NPSR1: variants seen among roughly 807,000 people sequenced by gnomAD.
NPSR1 encodes neuropeptide S receptor 1, also known as neuropeptide S receptor.
In NPSR1, 48 loss-of-function variants were observed where a neutral mutation model predicts 46.9. That is an observed-to-expected ratio of 1.02 (90% CI 0.81 to 1.30). The LOEUF is 1.30. Among genes scored for constraint, NPSR1 ranks in the 50% most tolerant of loss-of-function variants. NPSR1 has a pLI of 0.00. For missense variants in NPSR1, 450 were observed against 449.5 expected, an observed-to-expected ratio of 1.00 and a Z score of -0.01; for synonymous variants, 176 against 168.1, an observed-to-expected ratio of 1.05 and a Z score of -0.36.
At chr7:34,792,663 A>ATT (rs376242477) in intron 3 of NPSR1, among the ~76,000 whole-genome samples, 2,498 of 65,252 alleles carry the variant, frequency 0.038, 101 homozygotes, top group African/African-American at 0.084. Context: ...GTATATATAT[A>ATT]TTTATATATA....
intron 2 of NPSR1, among the ~76,000 whole-genome samples, chr7:34,716,081 T>C (rs961573268): frequency 6.6e-6 from 1 of 152,148 alleles, no homozygotes. Context: ...CAACAAATTA[T>C]GCTTGAGATG....
At chr7:34,810,021 A>G (rs1182101946) in intron 3 of NPSR1, among the ~76,000 whole-genome samples, 1 of 152,148 alleles carries the variant, frequency 6.6e-6, no homozygotes, top group African/African-American at 2.4e-5. Flanking sequence ...CCTCCTCCCT[A>G]TGGTGGCTTT....
In NPSR1 at chr7:34,866,154, G is replaced by A. The variant is rs114028334; in HGVS notation, c.1026-11922G>A. 1.1e-3 allele frequency among the ~76,000 whole-genome samples: 161 copies of A among 151,874 alleles called. 1 individual carries two copies. The highest frequency in any genetic ancestry group is 1.8e-3 in the Non-Finnish European group (124 of 68,012). On this transcript the variant is annotated intron_variant, in intron 8 of 8. Coordinates refer to the NPSR1 transcript ENST00000359791. ...CTTGGACCTACGTTTTGTCCCACAC[G>A]GCCTCCACCTCCCAACCAAAACAGA... is the stretch of plus-strand genomic sequence containing the variant.
Position 34,751,679 on chromosome 7 carries a change from G to A in NPSR1, c.281-26783G>A, listed in dbSNP as rs1785539809. On this transcript the variant is annotated intron_variant, in intron 2 of 8. Transcript: ENST00000360581. ...GCCACATCCCCAGCCAGGGACAAGA[G>A]GTTCATCAACAGGAAAGTGGGGAGC... 7 of 1,590,654 alleles carry A rather than the reference G, an allele frequency of 4.4e-6. No individual in the cohort carries two copies. In the South Asian group the frequency reaches 6.6e-5, roughly 15 times the overall value.
chr7:34,851,958 C>T (rs1790944177), downstream of NPSR1, among the ~76,000 whole-genome samples: 1 of 152,090 alleles, frequency 6.6e-6, no homozygotes, highest in Non-Finnish European at 1.5e-5. Flanking sequence ...TTGTCATTTC[C>T]ATGTATTTGC....
intron 8 of NPSR1, among the ~76,000 whole-genome samples, chr7:34,849,007 A>T (rs1790843568): frequency 6.6e-6 from 1 of 152,254 alleles, no homozygotes; most frequent in African/African-American, 2.4e-5. Context: ...ACCATTTTAC[A>T]GATAAACAAA....
At position 34,742,796 on chromosome 7, in the gene NPSR1, C is replaced by T. The variant is rs192021452; in HGVS notation, c.281-35666C>T. Among the ~76,000 whole-genome samples the T allele has an allele frequency of 6.8e-4, 104 of 152,328 alleles. 1 individual carries two copies. The highest frequency in any genetic ancestry group is 2.4e-3 in the African/African-American group (101 of 41,576). ...CAACAGTGTATAATTCTTCCCTTTT[C>T]TCTGCAACGTCACCAGCATCTGTTA... On this transcript the variant is annotated intron_variant, in intron 2 of 8. Coordinates refer to ENST00000360581, the MANE Select transcript of NPSR1 (RefSeq NM_207172.2).
Position 34,782,697 on chromosome 7 carries a change from C to T in NPSR1, c.384+4132C>T, listed in dbSNP as rs149281642. ...GTGTGCATTTGACTGCTTTACCAAA[C>T]GCACACACATCAACATAAGGCAAAA... is the stretch of plus-strand genomic sequence containing the variant. On this transcript the variant is annotated intron_variant, in intron 3 of 8. Transcript: ENST00000360581. Among the ~76,000 whole-genome samples the T allele has an allele frequency of 3.7e-3, 560 of 151,948 alleles. 3 individuals are homozygous for T. The highest frequency in any genetic ancestry group is 0.012 in the African/African-American group (507 of 41,430).
intron 4 of NPSR1, among the ~76,000 whole-genome samples, chr7:34,820,007 A>G (rs1789476318): frequency 6.6e-6 from 1 of 152,240 alleles, no homozygotes; most frequent in Admixed American, 6.5e-5. Flanking sequence ...CCAACATGGC[A>G]CATGTATACC....
At position 34,834,440 on chromosome 7, in the gene NPSR1, CA is replaced by C. The variant is rs1406682596; in HGVS notation, c.738del (p.Val247Ter). Reference sequence around the variant, plus strand: ...TGGATTAAAAGCAAAACCTACGAAACAGTGATTTCCAACTGCTCAGGTAAGT... The same window carrying C: ...TGGATTAAAAGCAAAACCTACGAAACGTGATTTCCAACTGCTCAGGTAAGT... Reference protein sequence around the residue: ...TIWIKSKTYETVISNCSDGKL... With the variant: ...TIWIKSKTYEXVISNCSDGKL... On this transcript the variant is annotated frameshift_variant, in exon 6 of 9. Coordinates refer to ENST00000360581, the MANE Select transcript of NPSR1 (RefSeq NM_207172.2). LOFTEE classifies it high-confidence loss of function. 1.2e-6 allele frequency: 2 copies of C among 1,612,288 alleles called. No individual in the cohort carries two copies. The highest frequency in any genetic ancestry group is 1.7e-6 in the Non-Finnish European group (2 of 1,178,314).
At chr7:34,794,114 T>C (rs1450736801) in intron 3 of NPSR1, among the ~76,000 whole-genome samples, 2 of 152,048 alleles carry the variant, frequency 1.3e-5, no homozygotes, top group Non-Finnish European at 1.5e-5. Context: ...ATGAGTACAA[T>C]GTTAAAGTTA....
intron 2 of NPSR1, chr7:34,751,296 G>A (rs867997669): frequency 5.2e-6 from 5 of 962,190 alleles, no homozygotes; most frequent in South Asian, 2.6e-5. Flanking sequence ...GATGAGGCTG[G>A]GAGTTGCAGA....
intron 2 of NPSR1, among the ~76,000 whole-genome samples, chr7:34,702,605 A>T (rs1793886820): frequency 6.6e-6 from 1 of 152,154 alleles, no homozygotes; most frequent in Non-Finnish European, 1.5e-5. Context: ...TGCACTTTTC[A>T]CACCCTCCAT....
chr7:34,766,798 C>T (rs1041267456), intron 2 of NPSR1, among the ~76,000 whole-genome samples: 8 of 152,184 alleles, frequency 5.3e-5, no homozygotes, highest in Non-Finnish European at 2.9e-5. Context: ...TGGTCTCGAT[C>T]TCCCGACCTC....
At chr7:34,855,424 T>A (rs1201910290) in intron 8 of NPSR1, among the ~76,000 whole-genome samples, 4 of 151,996 alleles carry the variant, frequency 2.6e-5, no homozygotes, top group African/African-American at 9.7e-5. Flanking sequence ...TCACTATAGA[T>A]CCTAGAGTCA....
intron 2 of NPSR1, chr7:34,711,020 T>C (rs1247104904): frequency 1.1e-5 from 4 of 354,808 alleles, no homozygotes; most frequent in Admixed American, 6.4e-5. Context: ...AGAACGCAAA[T>C]TGGCATTTGT....
intron 1 of NPSR1, among the ~76,000 whole-genome samples, chr7:34,662,265 T>C (rs1403269156): frequency 6.6e-6 from 1 of 152,228 alleles, no homozygotes; most frequent in Non-Finnish European, 1.5e-5. Flanking sequence ...ATGTAAATGG[T>C]TGCTTCTAAG....
At chr7:34,820,192 T>C (rs4723386) in intron 4 of NPSR1, among the ~76,000 whole-genome samples, 1 of 152,306 alleles carries the variant, frequency 6.6e-6, no homozygotes, top group African/African-American at 2.4e-5. Context: ...ATTTATGGCA[T>C]TGCTTGTAAT....
chr7:34,676,559 A>T (rs1318933923), intron 1 of NPSR1, among the ~76,000 whole-genome samples: 1 of 151,954 alleles, frequency 6.6e-6, no homozygotes, highest in Non-Finnish European at 1.5e-5. Flanking sequence ...CACGCATAAT[A>T]CGGCTGCGAA....
Sources: gnomAD v4.1 joint callset for allele counts (sites outside exome capture counted in the v4.1 genomes callset) on GRCh38, gnomAD v4.1.1 for gene constraint, MANE v1.5 for transcripts, NCBI Gene and HGNC (gene_info 2026-07-23, HGNC 2026-07-21) for gene names.